Variants in IQGAP2 observed in about 807,000 individuals in gnomAD.
IQGAP2 encodes the protein IQ motif containing GTPase activating protein 2.
A neutral mutation model predicts 201.3 loss-of-function variants in IQGAP2; 173 were observed. That is an observed-to-expected ratio of 0.86 (90% CI 0.76 to 0.98). The LOEUF is 0.98. IQGAP2 is among the 50% of genes least tolerant of loss of function. The pLI is 0.00. For synonymous variants in IQGAP2, 675 were observed against 673.9 expected (o/e 1.00, Z -0.03); for missense variants, 1,687 against 1,864.8 (o/e 0.90, Z 1.76).
At chr5:76,634,251 A>G (rs773821144) in intron 15 of IQGAP2, among the ~76,000 whole-genome samples, 1 of 145,926 alleles carries the variant, frequency 6.9e-6, no homozygotes, top group South Asian at 2.2e-4. Context: ...GCAAAACTGA[A>G]AATATTTGCC....
chr5:76,705,093 G>A (rs1747758284), intron 35 of IQGAP2, among the ~76,000 whole-genome samples: 1 of 152,002 alleles, frequency 6.6e-6, no homozygotes, highest in African/African-American at 2.4e-5. Flanking sequence ...GGGACTGCAG[G>A]GTGGGCCTTC....
intron 14 of IQGAP2, chr5:76,628,644 G>T (rs3822541): frequency 0.35 from 160,144 of 452,908 alleles, 28,806 homozygotes; most frequent in East Asian, 0.4. Flanking sequence ...GTTGTATCAG[G>T]TCAGAGAAGG....
chr5:76,549,055 G>A (rs183473622), intron 2 of IQGAP2, among the ~76,000 whole-genome samples: 2 of 152,196 alleles, frequency 1.3e-5, no homozygotes, highest in African/African-American at 4.8e-5. Flanking sequence ...ACTGCTGAAG[G>A]TCAGGTGTGA....
At chr5:76,583,756 T>C (rs1746042871) in intron 5 of IQGAP2, among the ~76,000 whole-genome samples, 1 of 152,240 alleles carries the variant, frequency 6.6e-6, no homozygotes, top group Non-Finnish European at 1.5e-5. Context: ...ATCTAACTTC[T>C]TTATCATCAA....
At chr5:76,531,465 A>AT (rs1759290889) in intron 2 of IQGAP2, among the ~76,000 whole-genome samples, 3 of 151,986 alleles carry the variant, frequency 2.0e-5, no homozygotes, top group Admixed American at 2.0e-4. Flanking sequence ...GGGTTTTGCT[A>AT]TGTTGTCCAG....
At position 76,683,151 on chromosome 5, in the gene IQGAP2, A is replaced by G. The variant is rs1745450798; in HGVS notation, c.3697A>G (p.Lys1233Glu). Reference sequence around the variant, plus strand: ...ACACCAGGATGCAATTGCCCCTGAGAAAAATGACTTACTGAGTGAATTGCT... The same window carrying G: ...ACACCAGGATGCAATTGCCCCTGAGGAAAATGACTTACTGAGTGAATTGCT... ...LEHQDAIAPE[K>E]NDLLSELLGS... Residue 1233 changes from lysine to glutamate, a missense_variant, in exon 29 of 36, where the codon AAA becomes GAA. By Grantham distance (56) the Lys-to-Glu change is moderately conservative. Transcript: ENST00000274364. The G allele has an allele frequency of 6.2e-7, 1 of 1,611,412 alleles. No individual in the cohort carries two copies. The highest frequency in any genetic ancestry group is 8.5e-7 in the Non-Finnish European group (1 of 1,178,528).
rs201080549 is a variant in IQGAP2, at chr5:76,429,644, GTATA to G, written c.46+26061_46+26064del. ...TATAAATTTATATATATACATATAT[GTATA>G]TATATATGTTAAAATTAGTTAACAT... is the stretch of plus-strand genomic sequence containing the variant. On this transcript the variant is annotated intron_variant, in intron 1 of 35. Coordinates refer to ENST00000274364, the MANE Select transcript of IQGAP2 (RefSeq NM_006633.5). 4.9e-5 allele frequency among the ~76,000 whole-genome samples: 7 copies of G among 141,510 alleles called. No homozygotes were observed. The Admixed American group carries it at 5.0e-4, about 10-fold the overall frequency. 92.8% of individuals were successfully genotyped at this position (141,510 alleles called of 152,430 possible).
chr5:76,412,408 C>T (rs1264019121), intron 1 of IQGAP2, among the ~76,000 whole-genome samples: 1 of 152,094 alleles, frequency 6.6e-6, no homozygotes, highest in Non-Finnish European at 1.5e-5. Flanking sequence ...CCAAGAGATC[C>T]TCCCGCCTTA....
At chr5:76,646,194 C>T (rs1029434345) in intron 17 of IQGAP2, among the ~76,000 whole-genome samples, 2 of 152,198 alleles carry the variant, frequency 1.3e-5, no homozygotes, top group African/African-American at 2.4e-5. Flanking sequence ...CAGTGACCCA[C>T]GATTAGGGTC....
intron 1 of IQGAP2, among the ~76,000 whole-genome samples, chr5:76,419,726 G>T (rs187388831): frequency 1.5e-4 from 22 of 150,154 alleles, no homozygotes; most frequent in African/African-American, 5.4e-4. Context: ...CCTCAAAGAA[G>T]GATACAATGA....
intron 13 of IQGAP2, among the ~76,000 whole-genome samples, chr5:76,622,866 T>A (rs995102761): frequency 1.3e-5 from 2 of 152,188 alleles, no homozygotes; most frequent in Admixed American, 1.3e-4. Context: ...AGAAGAGAAA[T>A]TCTTACAAAC....
At chr5:76,574,524 C>T (rs1745338219) in intron 4 of IQGAP2, among the ~76,000 whole-genome samples, 1 of 152,214 alleles carries the variant, frequency 6.6e-6, no homozygotes, top group Non-Finnish European at 1.5e-5. Flanking sequence ...CTGCCTCAGC[C>T]TCCCAAAGTG....
intron 2 of IQGAP2, among the ~76,000 whole-genome samples, chr5:76,466,513 T>C (rs1036671869): frequency 6.6e-6 from 1 of 152,168 alleles, no homozygotes; most frequent in Non-Finnish European, 1.5e-5. Flanking sequence ...TATAGATCAA[T>C]AGAGTAGATT....
intron 24 of IQGAP2, among the ~76,000 whole-genome samples, chr5:76,672,985 G>C (rs1744484061): frequency 1.3e-5 from 2 of 151,754 alleles, no homozygotes; most frequent in South Asian, 4.2e-4. Context: ...CAGTACACCA[G>C]CATGGCACAT....
At chr5:76,512,789 G>A (rs970694548) in intron 2 of IQGAP2, among the ~76,000 whole-genome samples, 2 of 152,220 alleles carry the variant, frequency 1.3e-5, no homozygotes, top group African/African-American at 4.8e-5. Flanking sequence ...GGGCGCGGTG[G>A]CTCACGCCTG....
chr5:76,496,756 T>TCTTTCTTTC (rs1756974650), intron 2 of IQGAP2, among the ~76,000 whole-genome samples: 9 of 75,862 alleles, frequency 1.2e-4, no homozygotes, highest in Middle Eastern at 4.8e-3. Context: ...TTTCTTTCTT[T>TCTTTCTTTC]CTTTCTTTCT....
intron 2 of IQGAP2, among the ~76,000 whole-genome samples, chr5:76,507,256 T>C (rs1421051679): frequency 6.6e-6 from 1 of 152,192 alleles, no homozygotes; most frequent in Admixed American, 6.5e-5. Context: ...AAAGGTGTGA[T>C]ACAAGGCAGA....
intron 2 of IQGAP2, among the ~76,000 whole-genome samples, chr5:76,462,012 C>T (rs1009935002): frequency 6.6e-5 from 10 of 152,230 alleles, no homozygotes; most frequent in African/African-American, 2.4e-4. Flanking sequence ...GAAGAAGCAT[C>T]TATTTCTTGC....
intron 14 of IQGAP2, among the ~76,000 whole-genome samples, chr5:76,628,283 A>G (rs964929088): frequency 1.3e-5 from 2 of 152,214 alleles, no homozygotes; most frequent in African/African-American, 2.4e-5. Flanking sequence ...GGCCCAAAAC[A>G]TAACTGTGGT....
Sources: allele counts gnomAD v4.1 joint callset (sites outside exome capture counted in the v4.1 genomes callset), GRCh38; gene constraint gnomAD v4.1.1; transcripts MANE v1.5; gene names NCBI Gene and HGNC (gene_info 2026-07-23, HGNC 2026-07-21).